TFR2: variants seen among roughly 807,000 people sequenced by gnomAD.
The protein encoded by TFR2 is transferrin receptor 2, also known as transferrin receptor protein 2.
In TFR2, 64 loss-of-function variants were observed where a neutral mutation model predicts 91.9. The observed-to-expected ratio is 0.70, with a 90% CI of 0.57 to 0.86. The LOEUF (loss-of-function observed/expected upper bound fraction) is 0.86. Ranked by LOEUF, TFR2 falls within the 40% of genes least tolerant of loss-of-function variation. The pLI, the probability that TFR2 is intolerant of heterozygous loss-of-function variation, is 0.00. For synonymous variants in TFR2, 454 were observed against 459.6 expected, an observed-to-expected ratio of 0.99 and a Z score of 0.15; for missense variants, 950 against 1,080.5, an observed-to-expected ratio of 0.88 and a Z score of 1.69.
In TFR2 at chr7:100,640,694, G is replaced by A. The variant is rs1803679185; in HGVS notation, c.465C>T (p.Asp155=). 1.2e-6 allele frequency: 2 copies of A among 1,612,630 alleles called. No homozygotes were observed. Among genetic ancestry groups the A allele is most frequent in the Non-Finnish European group, 1.7e-6 (2 of 1,179,730 alleles). The change falls in exon 3 of 18, where the codon GAC becomes GAT. Residue 155 remains aspartate, a synonymous_variant. Coordinates refer to ENST00000223051, the MANE Select transcript of TFR2 (RefSeq NM_003227.4). ...LQFLGEGRLE[D]TIRQTSLRER... The stretch of plus-strand genomic sequence containing the variant: ...GGCAGGGCCATCCCTACCTGATGGT[G>A]TCCTCCAGGCGCCCCTCCCCCAGGA...
Position 100,630,786 on chromosome 7 carries a change from C to T in TFR2, c.1270+103G>A, listed in dbSNP as rs1267157049. The T allele has an allele frequency of 6.5e-5, 100 of 1,541,466 alleles. 1 individual carries two copies. Among genetic ancestry groups the T allele is most frequent in the Non-Finnish European group, 4.4e-6 (5 of 1,128,640 alleles). On this transcript the variant is annotated intron_variant, in intron 9 of 17. Transcript: ENST00000223051. ...CTCCTCTGGGCACCACTCCTGTCCC[C>T]TCTTGGGGCCTCCTGCACCAGCCCC...
intron 3 of TFR2, among the ~76,000 whole-genome samples, chr7:100,634,328 T>C (rs1354927141): frequency 1.3e-5 from 2 of 151,980 alleles, no homozygotes; most frequent in Non-Finnish European, 2.9e-5. Context: ...ACCAAGGTAC[T>C]CAGGGGAATC....
Position 100,634,177 on chromosome 7 carries a change from A to AACACACACACACACACACACAC in TFR2, c.474-643_474-622dup, listed in dbSNP as rs3076877. The stretch of plus-strand genomic sequence containing the variant: ...CCCCAACCTCGTTCCTCCCGACGTC[A>AACACACACACACACACACACAC]ACACACACACACACACACACACACA... On this transcript the variant is annotated intron_variant, in intron 3 of 17. Transcript: ENST00000223051. Among the ~76,000 whole-genome samples the AACACACACACACACACACACAC allele has an allele frequency of 9.7e-4, 129 of 132,788 alleles. 2 individuals are homozygous for AACACACACACACACACACACAC. The highest frequency in any genetic ancestry group is 8.9e-3 in the East Asian group (34 of 3,804). 87.1% of individuals were successfully genotyped at this position (132,788 alleles called of 152,430 possible).
chr7:100,636,476 C>G (rs1283373772), intron 3 of TFR2, among the ~76,000 whole-genome samples: 1 of 151,518 alleles, frequency 6.6e-6, no homozygotes, highest in Non-Finnish European at 1.5e-5. Flanking sequence ...GTGCCTGGCC[C>G]GTATCCTGCA....
chr7:100,632,980 C>T (rs761515719), intron 6 of TFR2, 21 bp downstream of exon 6: 1 of 1,613,536 alleles, frequency 6.2e-7, no homozygotes, highest in African/African-American at 1.3e-5. Flanking sequence ...TCAAGCCCTC[C>T]CTCTGTCCAG....
intron 3 of TFR2, among the ~76,000 whole-genome samples, chr7:100,637,124 G>A (rs934074487): frequency 6.6e-6 from 1 of 152,098 alleles, no homozygotes; most frequent in Non-Finnish European, 1.5e-5. Flanking sequence ...AAATTGCCGG[G>A]CGCAGTGGCT....
At chr7:100,638,906 TC>T (rs956425937) in intron 3 of TFR2, among the ~76,000 whole-genome samples, 1 of 151,630 alleles carries the variant, frequency 6.6e-6, no homozygotes, top group African/African-American at 2.4e-5. Flanking sequence ...TGAGGCCCTA[TC>T]TCAAAAAAAT....
chr7:100,633,188 C>T lies in TFR2; in HGVS notation c.726+41G>A, dbSNP rs572888081. ...CTCCTTCGAGACCCAGGAAAGGGCTCGTGCCGCGCCCCATCCTAGGAGCGG... is the reference window on the plus strand; with the variant it reads ...CTCCTTCGAGACCCAGGAAAGGGCTTGTGCCGCGCCCCATCCTAGGAGCGG... On this transcript the variant is annotated intron_variant, in intron 5 of 17. Transcript: ENST00000223051. 20 of 1,613,166 alleles carry T rather than the reference C, an allele frequency of 1.2e-5. No individual in the cohort carries two copies. In the South Asian group the frequency reaches 1.4e-4, roughly 12 times the overall value.
In TFR2 at chr7:100,640,699, C is replaced by T; in HGVS notation, c.460G>A (p.Glu154Lys). Reference protein sequence around the residue: ...FLQFLGEGRLEDTIRQTSLRE... With the variant: ...FLQFLGEGRLKDTIRQTSLRE... ...GGCCATCCCTACCTGATGGTGTCCT[C>T]CAGGCGCCCCTCCCCCAGGAACTGC... The change falls in exon 3 of 18, where the codon GAG becomes AAG. Residue 154 changes from glutamate (E) to lysine (K), a missense_variant. Transcript: ENST00000223051. 6.2e-7 allele frequency: 1 copy of T among 1,612,866 alleles called. No homozygotes were observed. The highest frequency in any genetic ancestry group is 2.2e-5 in the East Asian group (1 of 44,852).
chr7:100,631,424 C>T (rs866976159), intron 8 of TFR2: 10 of 213,526 alleles, frequency 4.7e-5, no homozygotes, highest in South Asian at 6.2e-5. Flanking sequence ...GTCAGGAGTT[C>T]GAGACCAGTC....
chr7:100,631,113 C>T (rs1803419898), intron 8 of TFR2, 61 bp from the exon 9 acceptor site: 2 of 1,440,574 alleles, frequency 1.4e-6, no homozygotes, highest in Admixed American at 2.8e-5. Flanking sequence ...GTCCAAATCA[C>T]TCTTTTCCTT....
chr7:100,630,980 G>C lies in TFR2; in HGVS notation c.1179C>G (p.Pro393=). Residue 393 remains proline (P), a synonymous_variant, in exon 9 of 18, where the codon CCC becomes CCG. Transcript: ENST00000223051. ...TGACCACTAGCCGCAGTCGTGGCCC[G>C]GGGCCCAGGTGATAAGGGGAGCCTA... ...SLLGSPYHLG[P]GPRLRLVVNN... The C allele has an allele frequency of 6.2e-7, 1 of 1,611,778 alleles. No individual in the cohort carries two copies. The highest frequency in any genetic ancestry group is 8.5e-7 in the Non-Finnish European group (1 of 1,179,288).
At chr7:100,628,195 C>T (rs770286722) in intron 11 of TFR2, 29 bp downstream of exon 11, 4 of 1,613,682 alleles carry the variant, frequency 2.5e-6, no homozygotes, top group South Asian at 1.1e-5. Context: ...TCCCCAATGC[C>T]TAACGACCTG....
chr7:100,627,813 G>T lies in TFR2; in HGVS notation c.1613C>A (p.Ser538Tyr), dbSNP rs773760728. 3.2e-5 allele frequency: 52 copies of T among 1,613,954 alleles called. No individual in the cohort carries two copies. Among genetic ancestry groups the T allele is most frequent in the African/African-American group, 1.3e-5 (1 of 74,872 alleles). The change falls in exon 14 of 18, where the codon TCT becomes TAT. Residue 538 changes from serine to tyrosine, a missense_variant. By Grantham distance (144) the Ser-to-Tyr change is moderately radical. Transcript: ENST00000223051. The stretch of plus-strand genomic sequence containing the variant: ...GAGAGTCTGCCCACTGTGGTTGGGA[G>T]AATCCACCTGGGGGTTGGGGAAGGG... ...LIESVLKQVDSPNHSGQTLYE... is the reference protein window; with the variant it reads ...LIESVLKQVDYPNHSGQTLYE...
chr7:100,631,991 A>T, intron 7 of TFR2, 46 bp from the exon 8 acceptor site: 1 of 1,614,124 alleles, frequency 6.2e-7, no homozygotes, highest in South Asian at 1.1e-5. Context: ...CTGGGCTTCC[A>T]GGAAAAACGA....
intron 6 of TFR2, chr7:100,632,708 C>T (rs1339594887): frequency 2.6e-6 from 1 of 389,292 alleles, no homozygotes; most frequent in Non-Finnish European, 4.7e-6. Flanking sequence ...TGCCACCAGC[C>T]CAGCTAACTA....
At chr7:100,633,764 A>C in intron 3 of TFR2, 1 of 782,894 alleles carries the variant, frequency 1.3e-6, no homozygotes, top group South Asian at 2.3e-5. Context: ...GCTGGAGTGC[A>C]GTGGACCAAT....
intron 3 of TFR2, among the ~76,000 whole-genome samples, chr7:100,634,120 T>C (rs1296805592): frequency 6.6e-6 from 1 of 150,958 alleles, no homozygotes; most frequent in African/African-American, 2.4e-5. Flanking sequence ...CATCATCCTG[T>C]AGGTTCTTCC....
In TFR2 at chr7:100,627,416, G is replaced by C. The variant is rs1322100354; in HGVS notation, c.1843C>G (p.Leu615Val). 1 of 1,574,252 alleles carries C rather than the reference G, an allele frequency of 6.4e-7. No homozygotes were observed. The highest frequency in any genetic ancestry group is 1.3e-5 in the African/African-American group (1 of 74,170). ...GCCACGGCCTGGGCCACGGCGGGCA[G>C]GCGGCCTTGCAGCACCTTATGCAGG... ...ENLHKVLQGR[L>V]PAVAQAVAQL... Residue 615 changes from leucine (L) to valine (V), a missense_variant, in exon 16 of 18, where the codon CTG becomes GTG. Coordinates refer to ENST00000223051, the MANE Select transcript of TFR2 (RefSeq NM_003227.4).
Sources: allele counts gnomAD v4.1 joint callset (sites outside exome capture counted in the v4.1 genomes callset), GRCh38; gene constraint gnomAD v4.1.1; transcripts MANE v1.5; gene names NCBI Gene and HGNC (gene_info 2026-07-23, HGNC 2026-07-21).